TGS1: variants seen among roughly 807,000 people sequenced by gnomAD.
The protein encoded by TGS1 is trimethylguanosine synthase.
In TGS1, 69 loss-of-function variants were observed where a neutral mutation model predicts 92.2. The ratio of observed to expected loss-of-function variants is 0.75; its 90% confidence interval spans 0.62 to 0.91. The LOEUF (loss-of-function observed/expected upper bound fraction) is 0.91, where lower values mean the gene tolerates loss of function less well. TGS1 is among the 40% of genes least tolerant of loss of function. The probability of loss-of-function intolerance (pLI) is 0.00; values close to 1 mark genes in which losing one functional copy is unlikely to be tolerated. For missense variants in TGS1, 1,062 were observed against 1,001.2 expected, an observed-to-expected ratio of 1.06 and a Z score of -0.82; for synonymous variants, 345 against 338.1, an observed-to-expected ratio of 1.02 and a Z score of -0.22.
chr8:55,794,291 A>C (rs1360619107), intron 6 of TGS1, among the ~76,000 whole-genome samples: 1 of 151,902 alleles, frequency 6.6e-6, no homozygotes, highest in Non-Finnish European at 1.5e-5. Context: ...CTTGGCCTCA[A>C]GTGATCCTCC....
At position 55,813,086 on chromosome 8, in the gene TGS1, T is replaced by A. The variant is rs778863931; in HGVS notation, c.2407T>A (p.Tyr803Asn). The A allele has an allele frequency of 2.5e-6, 4 of 1,611,104 alleles. No homozygotes were observed. The highest frequency in any genetic ancestry group is 3.4e-6 in the Non-Finnish European group (4 of 1,178,110). Residue 803 changes from tyrosine (Y) to asparagine (N), a missense_variant, in exon 12 of 13, where the codon TAT becomes AAT. By Grantham distance (143) the Tyr-to-Asn change is moderately radical (BLOSUM62 -2). Transcript: ENST00000260129. ...LSKKITNNIV[Y>N]FLPRNADIDQ... is the part of the protein sequence containing the mutation. ...TAAGAAGATCACTAATAATATTGTT[T>A]ATTTTCTTCCAAGAAATGCTGATAT...
At chr8:55,775,657 T>C (rs1370688775) in intron 1 of TGS1, among the ~76,000 whole-genome samples, 1 of 152,174 alleles carries the variant, frequency 6.6e-6, no homozygotes. Context: ...TTATACATTT[T>C]GATTTGGGGG....
chr8:55,795,261 A>C (rs991706148), intron 6 of TGS1, among the ~76,000 whole-genome samples: 24 of 152,184 alleles, frequency 1.6e-4, no homozygotes, highest in African/African-American at 5.8e-4. Context: ...TAGAGCACCC[A>C]ATTCTACTTA....
chr8:55,805,684 G>A lies in TGS1; in HGVS notation c.2143+648G>A, dbSNP rs551743209. Among the ~76,000 whole-genome samples the A allele has an allele frequency of 5.3e-5, 8 of 151,948 alleles. 1 individual carries two copies. In the South Asian group the frequency reaches 1.2e-3, roughly 24 times the overall value. On this transcript the variant is annotated intron_variant, in intron 10 of 12. Transcript: ENST00000260129. The stretch of plus-strand genomic sequence containing the variant: ...GCGGATCACCTGAGGTCAGGAGTTC[G>A]ACACCAGCCTGGCCAACATGGTGAA...
At chr8:55,801,582 CTTTTTTTTTTTTTTT>C (rs1212417955) in intron 8 of TGS1, among the ~76,000 whole-genome samples, 5 of 48,200 alleles carry the variant, frequency 1.0e-4, no homozygotes, top group African/African-American at 4.7e-4. Context: ...CCCCATCGTT[CTTTTTTTTTTTTTTT>C]TTTTTTTTTG....
At chr8:55,781,129 T>C (rs1312226763) in intron 1 of TGS1, among the ~76,000 whole-genome samples, 1 of 152,244 alleles carries the variant, frequency 6.6e-6, no homozygotes, top group Non-Finnish European at 1.5e-5. Flanking sequence ...AGCAGTGTTA[T>C]ATATGTGTGT....
rs545453494 is a variant in TGS1 at position 55,821,082 on chromosome 8, C to T, written c.2440-3499C>T. On this transcript the variant is annotated intron_variant, in intron 12 of 12. Coordinates refer to ENST00000260129, the MANE Select transcript of TGS1 (RefSeq NM_024831.8). The stretch of plus-strand genomic sequence containing the variant: ...ATATGTAGTTGTGAAAATGTGAAAA[C>T]GTACAAAAAGGCTAAAGTTAGAAAT... Among the ~76,000 whole-genome samples, 9 of 152,096 alleles carry T rather than the reference C, an allele frequency of 5.9e-5. No homozygotes were observed. In the South Asian group the frequency reaches 1.7e-3, roughly 28 times the overall value.
intron 2 of TGS1, 115 bp from the exon 3 acceptor site, chr8:55,785,604 T>G (rs542730516): frequency 2.8e-6 from 2 of 702,326 alleles, no homozygotes; most frequent in Admixed American, 7.0e-5. Flanking sequence ...ATTGTAACAT[T>G]TGCATACCTT....
At chr8:55,789,026 C>T (rs1811800938) in intron 4 of TGS1, among the ~76,000 whole-genome samples, 1 of 152,102 alleles carries the variant, frequency 6.6e-6, no homozygotes, top group Non-Finnish European at 1.5e-5. Context: ...TCTGTAATAA[C>T]TCCAGTTTGT....
At chr8:55,793,694 A>G (rs909939460) in intron 6 of TGS1, among the ~76,000 whole-genome samples, 13 of 152,088 alleles carry the variant, frequency 8.5e-5, no homozygotes, top group African/African-American at 2.9e-4. Context: ...CAGCCCCCCA[A>G]GTAGCTGGGA....
intron 10 of TGS1, among the ~76,000 whole-genome samples, chr8:55,806,286 G>T (rs1311504367): frequency 1.3e-5 from 2 of 149,168 alleles, no homozygotes; most frequent in East Asian, 3.9e-4. Flanking sequence ...AACCCGGGAG[G>T]TGGAGGTTGC....
chr8:55,787,191 T>A, intron 4 of TGS1, 131 bp downstream of exon 4: 1 of 654,872 alleles, frequency 1.5e-6, no homozygotes, highest in Non-Finnish European at 2.6e-6. Context: ...TGAAATGATT[T>A]AATCCATCCT....
intron 11 of TGS1, 140 bp from the exon 12 acceptor site, chr8:55,812,900 T>G: frequency 1.6e-6 from 1 of 638,366 alleles, no homozygotes; most frequent in Non-Finnish European, 2.8e-6. Context: ...GTAATTCTCT[T>G]TTAGGTTCCA....
intron 1 of TGS1, among the ~76,000 whole-genome samples, chr8:55,776,554 C>G (rs1811408071): frequency 6.6e-6 from 1 of 152,312 alleles, no homozygotes; most frequent in East Asian, 1.9e-4. Flanking sequence ...GCTGGGATTA[C>G]AGGCGTGAGC....
chr8:55,821,914 T>A (rs919528603), intron 12 of TGS1, among the ~76,000 whole-genome samples: 1 of 145,648 alleles, frequency 6.9e-6, no homozygotes, highest in African/African-American at 2.4e-5. Context: ...ATAGTACCTT[T>A]ATTTTTTTTT....
At chr8:55,778,968 C>A (rs770443055) in intron 1 of TGS1, among the ~76,000 whole-genome samples, 1 of 152,146 alleles carries the variant, frequency 6.6e-6, no homozygotes, top group Non-Finnish European at 1.5e-5. Flanking sequence ...GCTTAGGGCT[C>A]TAAGGAGAGC....
At chr8:55,807,997 G>A (rs995681818) in intron 10 of TGS1, among the ~76,000 whole-genome samples, 6 of 152,180 alleles carry the variant, frequency 3.9e-5, no homozygotes, top group Admixed American at 6.5e-5. Flanking sequence ...TGGAAAGCAC[G>A]TAGTAGCTGT....
chr8:55,790,625 A>G (rs866368454), intron 5 of TGS1, among the ~76,000 whole-genome samples: 2 of 151,960 alleles, frequency 1.3e-5, no homozygotes, highest in African/African-American at 2.4e-5. Flanking sequence ...CCTCAGCTCA[A>G]TTGATCCTTC....
In TGS1 at chr8:55,825,771, A is replaced by G. The variant is rs186461468; in HGVS notation, c.*1068A>G. ...AATTTATCTGATTGCTCTGCAGTAC[A>G]GTAGCAACTGAGCTGATCAATAAAG... On this transcript the variant is annotated 3_prime_UTR_variant, in exon 13 of 13. Transcript: ENST00000260129. 6.6e-6 allele frequency among the ~76,000 whole-genome samples: 1 copy of G among 152,164 alleles called. No individual in the cohort carries two copies. Among genetic ancestry groups the G allele is most frequent in the East Asian group, 1.9e-4 (1 of 5,194 alleles).
Sources: allele counts gnomAD v4.1 joint callset (sites outside exome capture counted in the v4.1 genomes callset), GRCh38; gene constraint gnomAD v4.1.1; transcripts MANE v1.5; gene names NCBI Gene and HGNC (gene_info 2026-07-23, HGNC 2026-07-21).